The following ATP11B variants were observed in gnomAD, a reference collection of about 807,000 sequenced individuals.
ATP11B encodes the protein ATPase phospholipid transporting 11B (putative).
Under a neutral mutation model 157.8 loss-of-function variants are expected in ATP11B, and 81 were observed. The observed-to-expected ratio is 0.51, with a 90% confidence interval of 0.43 to 0.62. The LOEUF (loss-of-function observed/expected upper bound fraction) is 0.62, where lower values mean the gene tolerates loss of function less well. ATP11B is among the 20% of genes least tolerant of loss of function. The pLI, the probability that ATP11B is intolerant of heterozygous loss-of-function variation, is 0.00. For missense variants in ATP11B, 1,165 were observed against 1,402.2 expected (o/e 0.83, Z 2.70); for synonymous variants, 451 against 469.4 (o/e 0.96, Z 0.51).
Position 182,837,095 on chromosome 3 carries a change from G to A in ATP11B, c.577G>A (p.Ala193Thr). ...LKTHVAVPET[A>T]LLQTVANLDT... ...GACACATGTGGCAGTTCCAGAAACAGCATTATTACAAACAGTTGCCAATTT... is the reference window on the plus strand; with the variant it reads ...GACACATGTGGCAGTTCCAGAAACAACATTATTACAAACAGTTGCCAATTT... The change falls in exon 7 of 30, where the codon GCA becomes ACA. Residue 193 changes from alanine to threonine, a missense_variant. Coordinates refer to ENST00000323116, the MANE Select transcript of ATP11B (RefSeq NM_014616.3). 3.7e-6 allele frequency: 6 copies of A among 1,613,038 alleles called. No homozygotes were observed. Among genetic ancestry groups the A allele is most frequent in the Middle Eastern group, 3.3e-4 (2 of 6,056 alleles).
intron 8 of ATP11B, chr3:182,844,293 T>TC (rs1212150955): frequency 6.6e-6 from 1 of 152,264 alleles, no homozygotes; most frequent in Admixed American, 6.5e-5. Flanking sequence ...TGGAGTGTAC[T>TC]CCAAATATGA....
At chr3:182,897,512 C>A in intron 27 of ATP11B, 106 bp downstream of exon 27, 1 of 768,984 alleles carries the variant, frequency 1.3e-6, no homozygotes, top group Admixed American at 3.2e-5. Context: ...ATTTCAGACT[C>A]CTGGTAAGTT....
chr3:182,826,381 T>TA (rs1254070088), intron 2 of ATP11B, among the ~76,000 whole-genome samples: 10 of 152,362 alleles, frequency 6.6e-5, no homozygotes, highest in African/African-American at 2.4e-4. Context: ...TTGTTGCTGT[T>TA]ACGTTTCAAA....
chr3:182,818,833 C>T (rs1365319413), intron 1 of ATP11B, among the ~76,000 whole-genome samples: 1 of 150,342 alleles, frequency 6.7e-6, no homozygotes, highest in Non-Finnish European at 1.5e-5. Flanking sequence ...AAAAATGGAT[C>T]ATCATAGCTT....
At chr3:182,854,626 C>T (rs1262546462) in intron 10 of ATP11B, among the ~76,000 whole-genome samples, 1 of 152,126 alleles carries the variant, frequency 6.6e-6, no homozygotes, top group African/African-American at 2.4e-5. Flanking sequence ...CTAAAAACTT[C>T]TGCTCATCAG....
At chr3:182,862,954 C>T (rs1433100888) in intron 12 of ATP11B, among the ~76,000 whole-genome samples, 2 of 151,862 alleles carry the variant, frequency 1.3e-5, no homozygotes, top group Non-Finnish European at 1.5e-5. Context: ...CTCACTCTGT[C>T]TCCCAGGCTG....
At chr3:182,917,313 G>A (rs1385296185) in intron 29 of ATP11B, 28 of 985,180 alleles carry the variant, frequency 2.8e-5, no homozygotes, top group Non-Finnish European at 3.4e-5. Flanking sequence ...TCTATTTTAA[G>A]CATGGCAGGC....
At chr3:182,901,002 A>G (rs1723919732) in intron 28 of ATP11B, among the ~76,000 whole-genome samples, 3 of 152,024 alleles carry the variant, frequency 2.0e-5, no homozygotes, top group Non-Finnish European at 4.4e-5. Context: ...CAACATGGTG[A>G]AACACCGTCT....
At chr3:182,902,558 C>A in intron 28 of ATP11B, 1 of 1,289,226 alleles carries the variant, frequency 7.8e-7, no homozygotes, top group African/African-American at 1.5e-5. Flanking sequence ...ATCAGCTGAG[C>A]AAACTTAGGT....
At position 182,897,347 on chromosome 3, in the gene ATP11B, T is replaced by C. The variant is rs865844437; in HGVS notation, c.3093T>C (p.Val1031=). 4.4e-6 allele frequency: 7 copies of C among 1,590,290 alleles called. No homozygotes were observed. Among genetic ancestry groups the C allele is most frequent in the Middle Eastern group, 1.7e-4 (1 of 6,010 alleles). Residue 1031 remains valine (V), a synonymous_variant, in exon 27 of 30, where the codon GTT becomes GTC. Coordinates refer to ENST00000323116, the MANE Select transcript of ATP11B (RefSeq NM_014616.3). ...THFWTWINHL[V]TWGSIIFYFV... is the part of the protein sequence containing the mutation. ...TTTGGACTTGGATCAACCATCTCGT[T>C]ACCTGGGGATCTATTATATTTTATT...
intron 17 of ATP11B, among the ~76,000 whole-genome samples, 196 bp downstream of exon 17, chr3:182,869,527 A>G (rs1721494989): frequency 6.6e-6 from 1 of 152,200 alleles, no homozygotes. Flanking sequence ...AACCTACTCT[A>G]CAGTCGGGGC....
In ATP11B at chr3:182,858,065, A is replaced by G. The variant is rs766732924; in HGVS notation, c.1002+37A>G. 5.7e-6 allele frequency: 9 copies of G among 1,567,088 alleles called. No individual in the cohort carries two copies. The South Asian group carries it at 6.8e-5, about 12-fold the overall frequency. ...TGTTATTGACTGTGTCATAAAGGAA[A>G]CTATTACTTGGCACGATTAGTGCTT... On this transcript the variant is annotated intron_variant, in intron 11 of 29. Coordinates refer to ENST00000323116, the MANE Select transcript of ATP11B (RefSeq NM_014616.3).
chr3:182,914,244 A>C, intron 29 of ATP11B: 1 of 1,265,456 alleles, frequency 7.9e-7, no homozygotes. Flanking sequence ...ATTTTGTTTC[A>C]TAATCTTTCT....
chr3:182,858,606 G>A (rs1419297637), intron 11 of ATP11B, among the ~76,000 whole-genome samples: 4 of 152,066 alleles, frequency 2.6e-5, no homozygotes, highest in Non-Finnish European at 2.9e-5. Context: ...TCACAGGGTC[G>A]TATTTTTAAT....
intron 1 of ATP11B, among the ~76,000 whole-genome samples, chr3:182,813,930 T>C (rs978194072): frequency 2.0e-5 from 3 of 152,174 alleles, no homozygotes; most frequent in East Asian, 1.9e-4. Flanking sequence ...TTTTCCCATG[T>C]TGCCCAGGCT....
Position 182,885,582 on chromosome 3 carries a change from T to TTTAAACA in ATP11B, c.2656-366_2656-360dup, listed in dbSNP as rs1431352648. Among the ~76,000 whole-genome samples the TTTAAACA allele has an allele frequency of 2.6e-5, 4 of 152,178 alleles. No individual in the cohort carries two copies. In the East Asian group the frequency reaches 7.7e-4, roughly 29 times the overall value. ...TTCGATAGTTTGATTTATTGTGTGT[T>TTTAAACA]TTAAACATTTTTGTGTTGTAAAGAT... is the stretch of plus-strand genomic sequence containing the variant. On this transcript the variant is annotated intron_variant, in intron 22 of 29. Coordinates refer to ENST00000323116, the MANE Select transcript of ATP11B (RefSeq NM_014616.3).
intron 25 of ATP11B, among the ~76,000 whole-genome samples, chr3:182,895,275 G>T (rs974503861): frequency 3.3e-5 from 5 of 152,094 alleles, no homozygotes; most frequent in Admixed American, 1.3e-4. Context: ...GATAAGCACA[G>T]GTTCAGTATG....
chr3:182,811,385 G>A (rs1390166015), intron 1 of ATP11B, among the ~76,000 whole-genome samples: 1 of 152,102 alleles, frequency 6.6e-6, no homozygotes, highest in Non-Finnish European at 1.5e-5. Context: ...ATGCTCATAG[G>A]ACAGTTCTTC....
intron 19 of ATP11B, among the ~76,000 whole-genome samples, chr3:182,877,896 G>C (rs995445801): frequency 6.6e-6 from 1 of 152,112 alleles, no homozygotes; most frequent in Non-Finnish European, 1.5e-5. Flanking sequence ...CATGAAGCCT[G>C]TCCAGAGGAA....
Sources: gnomAD v4.1 joint callset for allele counts (sites outside exome capture counted in the v4.1 genomes callset) on GRCh38, gnomAD v4.1.1 for gene constraint, MANE v1.5 for transcripts, NCBI Gene and HGNC (gene_info 2026-07-23, HGNC 2026-07-21) for gene names.